KRTAP5-2: variants seen among roughly 807,000 people sequenced by gnomAD.
The protein encoded by KRTAP5-2 is keratin-associated protein 5-2.
For synonymous variants in KRTAP5-2, 79 were observed against 82.7 expected (o/e 0.96, Z 0.24); for missense variants, 188 against 212.8 (o/e 0.88, Z 0.73).
Position 1,597,504 on chromosome 11 carries a change from C to T in KRTAP5-2, c.*213G>A. On this transcript the variant is annotated 3_prime_UTR_variant, in exon 1 of 1. Transcript: ENST00000412090. ...GGGTGCCTGCGTCCAGGCGAGGACA[C>T]CTCCCGCATCAGGGAAACACACGTT... 2.5e-6 allele frequency: 2 copies of T among 795,850 alleles called. No homozygotes were observed. Among genetic ancestry groups the T allele is most frequent in the East Asian group, 2.7e-5 (1 of 37,010 alleles). 49.3% of individuals were successfully genotyped at this position (795,850 alleles called of 1,614,324 possible).
Position 1,597,492 on chromosome 11 carries a change from C to T in KRTAP5-2, c.*225G>A. 1 of 723,288 alleles carries T rather than the reference C, an allele frequency of 1.4e-6. No homozygotes were observed. The allele number at this position is 723,288 out of a possible 1,614,324, so 44.8% of individuals were successfully genotyped here. A position where few individuals can be genotyped will look rare whatever the true frequency, so the allele number is the denominator to read the frequency against. On this transcript the variant is annotated 3_prime_UTR_variant, in exon 1 of 1. Transcript: ENST00000412090. ...TGGCAGTCGGCTGGGTGCCTGCGTC[C>T]AGGCGAGGACACCTCCCGCATCAGG...
rs1034262748 is a variant in KRTAP5-2, at chr11:1,597,481, G to T, written c.*236C>A. On this transcript the variant is annotated 3_prime_UTR_variant, in exon 1 of 1. Transcript: ENST00000412090. ...AGGGAACATCGTGGCAGTCGGCTGG[G>T]TGCCTGCGTCCAGGCGAGGACACCT... 7.5e-6 allele frequency: 5 copies of T among 666,114 alleles called. No individual in the cohort carries two copies. The African/African-American group carries it at 9.1e-5, about 12-fold the overall frequency. 41.3% of individuals were successfully genotyped at this position (666,114 alleles called of 1,614,324 possible).
chr11:1,597,701 G>A lies in KRTAP5-2; in HGVS notation c.*16C>T, dbSNP rs267602793. The A allele has an allele frequency of 1.2e-6, 2 of 1,613,806 alleles. No homozygotes were observed. Among genetic ancestry groups the A allele is most frequent in the African/African-American group, 1.3e-5 (1 of 74,918 alleles). Reference sequence around the variant, plus strand: ...TTCACCAAACAGGAGAAACCTGAAGGTCTGGGTCCAGAGCCTCAGATCTTA... The same window carrying A: ...TTCACCAAACAGGAGAAACCTGAAGATCTGGGTCCAGAGCCTCAGATCTTA... On this transcript the variant is annotated 3_prime_UTR_variant, in exon 1 of 1. Transcript: ENST00000412090.
In KRTAP5-2 at chr11:1,597,380, G is replaced by C. The variant is rs760672707; in HGVS notation, c.*337C>G. 2.6e-6 allele frequency: 1 copy of C among 385,884 alleles called. No homozygotes were observed. Among genetic ancestry groups the C allele is most frequent in the Non-Finnish European group, 5.0e-6 (1 of 201,532 alleles). The allele number at this position is 385,884 out of a possible 1,614,324, so 23.9% of individuals were successfully genotyped here. On this transcript the variant is annotated 3_prime_UTR_variant, in exon 1 of 1. Coordinates refer to ENST00000412090, the MANE Select transcript of KRTAP5-2 (RefSeq NM_001004325.2). ...TTCTTAGTGATCACTCAGAAACGTCGGCCTGGCCTTGTGGGGTCAGACCTT... is the reference window on the plus strand; with the variant it reads ...TTCTTAGTGATCACTCAGAAACGTCCGCCTGGCCTTGTGGGGTCAGACCTT...
At position 1,597,919 on chromosome 11, in the gene KRTAP5-2, C is replaced by T. The variant is rs368694018; in HGVS notation, c.332G>A (p.Cys111Tyr). The T allele has an allele frequency of 1.1e-4, 170 of 1,613,280 alleles. No homozygotes were observed. The highest frequency in any genetic ancestry group is 1.4e-4 in the Non-Finnish European group (160 of 1,179,872). ...CGGSKGGCGS[C>Y]GCSQSSCCKP... Reference sequence around the variant, plus strand: ...ACAACAGCTGGACTGGGAGCAGCCACAAGAACCACAGCCCCCCTTGGAACC... The same window carrying T: ...ACAACAGCTGGACTGGGAGCAGCCATAAGAACCACAGCCCCCCTTGGAACC... The change falls in exon 1 of 1, where the codon TGT becomes TAT. Residue 111 changes from cysteine (C) to tyrosine (Y), a missense_variant. Physicochemically the swap from Cys to Tyr is radical, Grantham distance 194 (BLOSUM62 -2). Coordinates refer to ENST00000412090, the MANE Select transcript of KRTAP5-2 (RefSeq NM_001004325.2).
In KRTAP5-2 at chr11:1,597,346, A is replaced by G. The variant is rs1223104907; in HGVS notation, c.*371T>C. 2 of 305,694 alleles carry G rather than the reference A, an allele frequency of 6.5e-6. No homozygotes were observed. Among genetic ancestry groups the G allele is most frequent in the African/African-American group, 4.2e-5 (2 of 47,182 alleles). The allele number at this position is 305,694 out of a possible 1,614,324, so 18.9% of individuals were successfully genotyped here. A position where few individuals can be genotyped will look rare whatever the true frequency, so the allele number is the denominator to read the frequency against. Reference sequence around the variant, plus strand: ...GGATCCAGGGTCCTGATGGTGGTTGAGAAGCTGGTTCTTAGTGATCACTCA... The same window carrying G: ...GGATCCAGGGTCCTGATGGTGGTTGGGAAGCTGGTTCTTAGTGATCACTCA... On this transcript the variant is annotated 3_prime_UTR_variant, in exon 1 of 1. Transcript: ENST00000412090.
Position 1,597,817 on chromosome 11 carries a change from G to C in KRTAP5-2, c.434C>G (p.Ser145Cys). Reference protein sequence around the residue: ...SSCCKPCCCQSSCCVPVCCQS... With the variant: ...SSCCKPCCCQCSCCVPVCCQS... The stretch of plus-strand genomic sequence containing the variant: ...GCAGCACACGGGGACACAGCAGCTG[G>C]ACTGGCAGCAGCAGGGCTTGCAGCA... Residue 145 changes from serine (S) to cysteine (C), a missense_variant, in exon 1 of 1, where the codon TCC (serine) becomes TGC (cysteine). Physicochemically the swap from Ser to Cys is moderately radical, Grantham distance 112 (BLOSUM62 -1). Transcript: ENST00000412090. 1 of 1,613,730 alleles carries C rather than the reference G, an allele frequency of 6.2e-7. No individual in the cohort carries two copies. Among genetic ancestry groups the C allele is most frequent in the Non-Finnish European group, 8.5e-7 (1 of 1,179,940 alleles).
chr11:1,597,884 A>T lies in KRTAP5-2; in HGVS notation c.367T>A (p.Cys123Ser), dbSNP rs376517981. 9 of 1,613,864 alleles carry T rather than the reference A, an allele frequency of 5.6e-6. No individual in the cohort carries two copies. Among genetic ancestry groups the T allele is most frequent in the Non-Finnish European group, 7.6e-6 (9 of 1,179,976 alleles). ...CSQSSCCKPC[C>S]CSSGCGSSCC... The stretch of plus-strand genomic sequence containing the variant: ...GATGATCCACAGCCTGAGGAGCAGC[A>T]ACAGGGCTTACAACAGCTGGACTGG... The change falls in exon 1 of 1, where the codon TGC becomes AGC. Residue 123 changes from cysteine to serine, a missense_variant. Physicochemically the swap from Cys to Ser is moderately radical, Grantham distance 112 (BLOSUM62 -1). Coordinates refer to ENST00000412090, the MANE Select transcript of KRTAP5-2 (RefSeq NM_001004325.2).
At position 1,597,609 on chromosome 11, in the gene KRTAP5-2, G is replaced by C. The variant is rs1473085811; in HGVS notation, c.*108C>G. On this transcript the variant is annotated 3_prime_UTR_variant, in exon 1 of 1. Coordinates refer to ENST00000412090, the MANE Select transcript of KRTAP5-2 (RefSeq NM_001004325.2). The stretch of plus-strand genomic sequence containing the variant: ...AGGTGTGTGCATGGATGGTGAGCTA[G>C]AGCAGGTGCAGGTGCCTCAGGGAGG... The C allele has an allele frequency of 6.5e-7, 1 of 1,535,316 alleles. No homozygotes were observed. The highest frequency in any genetic ancestry group is 8.9e-7 in the Non-Finnish European group (1 of 1,123,688).
Position 1,597,857 on chromosome 11 carries a change from A to G in KRTAP5-2, c.394T>C (p.Cys132Arg), listed in dbSNP as rs774208637. The G allele has an allele frequency of 1.9e-6, 3 of 1,613,952 alleles. No individual in the cohort carries two copies. The highest frequency in any genetic ancestry group is 1.7e-4 in the Middle Eastern group (1 of 6,058). The change falls in exon 1 of 1, where the codon TGC (cysteine) becomes CGC (arginine). Residue 132 changes from cysteine to arginine, a missense_variant. By Grantham distance (180) the Cys-to-Arg change is radical. Transcript: ENST00000412090. Reference protein sequence around the residue: ...CCCSSGCGSSCCQSSCCKPCC... With the variant: ...CCCSSGCGSSRCQSSCCKPCC... The stretch of plus-strand genomic sequence containing the variant: ...GGCTTGCAGCAGCTGGACTGGCAGC[A>G]GGATGATCCACAGCCTGAGGAGCAG...
rs1429733821 is a variant in KRTAP5-2 at position 1,597,992 on chromosome 11, C to G, written c.259G>C (p.Gly87Arg). ...TTGGAGCCCCCACAGGAGCCACAGC[C>G]CCCCTTGGAGCCCCCACAGGAGCCA... ...SCGSCGGSKG[G>R]CGSCGGSKGG... Residue 87 changes from glycine to arginine, a missense_variant, in exon 1 of 1, where the codon GGC (glycine) becomes CGC (arginine). Physicochemically the swap from Gly to Arg is moderately radical, Grantham distance 125. Transcript: ENST00000412090. The G allele has an allele frequency of 5.4e-6, 6 of 1,102,388 alleles. No homozygotes were observed. Among genetic ancestry groups the G allele is most frequent in the Non-Finnish European group, 7.2e-6 (6 of 829,470 alleles). The allele number at this position is 1,102,388 out of a possible 1,614,324, so 68.3% of individuals were successfully genotyped here. A position where few individuals can be genotyped will look rare whatever the true frequency, so the allele number is the denominator to read the frequency against.
At position 1,597,526 on chromosome 11, in the gene KRTAP5-2, C is replaced by T. The variant is rs1243924240; in HGVS notation, c.*191G>A. ...ACACCTCCCGCATCAGGGAAACACA[C>T]GTTTCTGGAGTGAGGAGGCTGAAGG... On this transcript the variant is annotated 3_prime_UTR_variant, in exon 1 of 1. Coordinates refer to ENST00000412090, the MANE Select transcript of KRTAP5-2 (RefSeq NM_001004325.2). 13 of 938,234 alleles carry T rather than the reference C, an allele frequency of 1.4e-5. No individual in the cohort carries two copies. Among genetic ancestry groups the T allele is most frequent in the East Asian group, 2.6e-5 (1 of 38,178 alleles). 58.1% of individuals were successfully genotyped at this position (938,234 alleles called of 1,614,324 possible). A position where few individuals can be genotyped will look rare whatever the true frequency, so the allele number is the denominator to read the frequency against.
In KRTAP5-2 at chr11:1,597,849, C is replaced by T. The variant is rs1363106259; in HGVS notation, c.402G>A (p.Gln134=). ...CSSGCGSSCC[Q]SSCCKPCCCQ... The stretch of plus-strand genomic sequence containing the variant: ...AGCAGCAGGGCTTGCAGCAGCTGGA[C>T]TGGCAGCAGGATGATCCACAGCCTG... The change falls in exon 1 of 1, where the codon CAG becomes CAA. Residue 134 remains glutamine (Q), a synonymous_variant. Coordinates refer to ENST00000412090, the MANE Select transcript of KRTAP5-2 (RefSeq NM_001004325.2). 2 of 1,613,576 alleles carry T rather than the reference C, an allele frequency of 1.2e-6. No homozygotes were observed. Among genetic ancestry groups the T allele is most frequent in the East Asian group, 2.2e-5 (1 of 44,878 alleles).
In KRTAP5-2 at chr11:1,597,878, A is replaced by G; in HGVS notation, c.373T>C (p.Ser125Pro). 1 of 1,613,754 alleles carries G rather than the reference A, an allele frequency of 6.2e-7. No homozygotes were observed. The highest frequency in any genetic ancestry group is 8.5e-7 in the Non-Finnish European group (1 of 1,179,906). The change falls in exon 1 of 1, where the codon TCC (serine) becomes CCC (proline). Residue 125 changes from serine (S) to proline (P), a missense_variant. Transcript: ENST00000412090. ...CAGCAGGATGATCCACAGCCTGAGG[A>G]GCAGCAACAGGGCTTACAACAGCTG... ...QSSCCKPCCC[S>P]SGCGSSCCQS...
Sources: gnomAD v4.1 joint callset for allele counts on GRCh38, gnomAD v4.1.1 for gene constraint, MANE v1.5 for transcripts, NCBI Gene and HGNC (gene_info 2026-07-23, HGNC 2026-07-21) for gene names.